The following CYRIB variants were observed in gnomAD, a reference collection of about 807,000 sequenced individuals.
CYRIB encodes CYFIP-related Rac1 interactor B.
A neutral mutation model predicts 44.2 loss-of-function variants in CYRIB; 8 were observed. The observed-to-expected ratio is 0.18, with a 90% confidence interval of 0.11 to 0.33. The LOEUF (loss-of-function observed/expected upper bound fraction) is 0.33. Ranked by LOEUF, CYRIB falls within the 10% of genes least tolerant of loss-of-function variation. The pLI is 1.00. For synonymous variants in CYRIB, 131 were observed against 127.2 expected, an observed-to-expected ratio of 1.03 and a Z score of -0.20; for missense variants, 185 against 382.8, an observed-to-expected ratio of 0.48 and a Z score of 4.31.
At chr8:129,990,497 CGTGTGTGTGTGT>C (rs34534615) in intron 1 of CYRIB, among the ~76,000 whole-genome samples, 1 of 147,298 alleles carries the variant, frequency 6.8e-6, no homozygotes, top group Non-Finnish European at 1.5e-5. Context: ...TGTGTGTATG[CGTGTGTGTGTGT>C]GTGTGTGTGT....
chr8:129,932,053 C>T (rs2091628115), intron 1 of CYRIB, among the ~76,000 whole-genome samples: 1 of 141,584 alleles, frequency 7.1e-6, no homozygotes, highest in African/African-American at 2.7e-5. Flanking sequence ...GGCTGGAGTG[C>T]AGTGGCGCAA....
intron 11 of CYRIB, among the ~76,000 whole-genome samples, chr8:129,846,457 TATTTAC>T (rs1417914763): frequency 2.6e-5 from 4 of 152,234 alleles, no homozygotes; most frequent in Admixed American, 2.6e-4. Context: ...TATTTCTTTT[TATTTAC>T]ATTTTCTTAT....
At position 129,932,742 on chromosome 8, in the gene CYRIB, T is replaced by C. The variant is rs143536629; in HGVS notation, c.-50+6866A>G. Among the ~76,000 whole-genome samples, 70 of 152,190 alleles carry C rather than the reference T, an allele frequency of 4.6e-4. No individual in the cohort carries two copies. The South Asian group carries it at 0.01, about 22-fold the overall frequency. On this transcript the variant is annotated intron_variant, in intron 1 of 11. Coordinates refer to ENST00000519824, the Ensembl canonical transcript of CYRIB. ...GTTCTGGGGAAAGAGGATGGGATGC[T>C]GACATAGCCATAACTCTCTAAGGGA... is the stretch of plus-strand genomic sequence containing the variant.
At chr8:129,870,129 C>T (rs1008192903) in intron 4 of CYRIB, among the ~76,000 whole-genome samples, 75 of 152,262 alleles carry the variant, frequency 4.9e-4, no homozygotes, top group African/African-American at 1.8e-3. Flanking sequence ...AAAACAAGGG[C>T]CAGGCATGGT....
At chr8:129,923,547 T>C (rs1308251306) in intron 1 of CYRIB, among the ~76,000 whole-genome samples, 1 of 152,106 alleles carries the variant, frequency 6.6e-6, no homozygotes, top group African/African-American at 2.4e-5. Context: ...AGTGCTGGGA[T>C]TACAGGTGTG....
chr8:130,011,166 T>A (rs2097204346), intron 1 of CYRIB, among the ~76,000 whole-genome samples: 1 of 152,076 alleles, frequency 6.6e-6, no homozygotes, highest in Admixed American at 6.6e-5. Flanking sequence ...CCGGGGGGAC[T>A]CCTGGCACAC....
chr8:129,935,622 G>C (rs149954459), intron 1 of CYRIB, among the ~76,000 whole-genome samples: 3 of 152,040 alleles, frequency 2.0e-5, no homozygotes, highest in Non-Finnish European at 4.4e-5. Context: ...CAGTAGAAAG[G>C]GTCTGTATCA....
At chr8:129,841,730 A>G (rs2036404854) in exon 12 of CYRIB, 1 of 157,200 alleles carries the variant, frequency 6.4e-6, no homozygotes, top group Non-Finnish European at 1.4e-5. Flanking sequence ...TTGGTTGCAC[A>G]TGAAAAAGGC....
intron 1 of CYRIB, among the ~76,000 whole-genome samples, chr8:129,984,899 C>T (rs2132924021): frequency 6.6e-6 from 1 of 152,288 alleles, no homozygotes; most frequent in South Asian, 2.1e-4. Flanking sequence ...CTCAGCCTCC[C>T]GAGTAGCTGG....
chr8:129,991,307 A>G (rs2096627685), intron 1 of CYRIB, among the ~76,000 whole-genome samples: 1 of 135,678 alleles, frequency 7.4e-6, no homozygotes, highest in Non-Finnish European at 1.6e-5. Context: ...GACATTTGAA[A>G]GTCTTCTCCA....
intron 3 of CYRIB, among the ~76,000 whole-genome samples, chr8:129,875,354 C>A (rs1479154425): frequency 6.6e-6 from 1 of 151,602 alleles, no homozygotes; most frequent in African/African-American, 2.4e-5. Context: ...CAAGGGCACA[C>A]ATCACTATTC....
chr8:129,996,809 GT>G (rs1241290463), intron 1 of CYRIB, among the ~76,000 whole-genome samples: 1 of 151,892 alleles, frequency 6.6e-6, no homozygotes, highest in Non-Finnish European at 1.5e-5. Context: ...TCCCTCCGGG[GT>G]ATTTTTTTTA....
intron 2 of CYRIB, among the ~76,000 whole-genome samples, chr8:129,883,335 G>T (rs1017605144): frequency 6.6e-6 from 1 of 151,540 alleles, no homozygotes; most frequent in Non-Finnish European, 1.5e-5. Context: ...TCTAGATACC[G>T]CCAAATATCT....
intron 1 of CYRIB, among the ~76,000 whole-genome samples, chr8:129,906,774 C>A (rs1202846250): frequency 6.6e-6 from 1 of 152,182 alleles, no homozygotes; most frequent in Admixed American, 6.5e-5. Flanking sequence ...CAAACAACCC[C>A]ATCAACAAGT....
chr8:129,845,413 T>C (rs917152711), intron 11 of CYRIB, among the ~76,000 whole-genome samples: 6 of 152,214 alleles, frequency 3.9e-5, no homozygotes, highest in African/African-American at 1.4e-4. Context: ...TCATTAAATA[T>C]TGGCAAAACC....
intron 2 of CYRIB, among the ~76,000 whole-genome samples, chr8:129,960,905 A>ATGCC (rs2095217374): frequency 6.7e-6 from 1 of 149,954 alleles, no homozygotes; most frequent in African/African-American, 2.5e-5. Flanking sequence ...AGCCAAGATC[A>ATGCC]TGCCACTGCA....
upstream of CYRIB, among the ~76,000 whole-genome samples, chr8:129,941,327 A>G (rs2989881): frequency 0.79 from 115,102 of 145,972 alleles, 46,087 homozygotes; most frequent in African/African-American, 0.95. Flanking sequence ...AGGCTGGAGT[A>G]CAGTGGCGCG....
chr8:129,941,018 G>T (rs1256028889), upstream of CYRIB, among the ~76,000 whole-genome samples: 1 of 152,092 alleles, frequency 6.6e-6, no homozygotes, highest in African/African-American at 2.4e-5. Context: ...ACAAAACACA[G>T]AAGGGCAGCC....
At chr8:129,999,867 G>A (rs1009908873) in intron 1 of CYRIB, among the ~76,000 whole-genome samples, 6 of 152,244 alleles carry the variant, frequency 3.9e-5, no homozygotes, top group Middle Eastern at 6.8e-3. Context: ...GGGCTCAAGC[G>A]ATCCTCCCGC....
Sources: gnomAD v4.1 joint callset for allele counts (sites outside exome capture counted in the v4.1 genomes callset) on GRCh38, gnomAD v4.1.1 for gene constraint, MANE v1.5 for transcripts, NCBI Gene and HGNC (gene_info 2026-07-23, HGNC 2026-07-21) for gene names.